Variants in BRINP3 observed in about 807,000 individuals in gnomAD.
BRINP3 encodes the protein BMP/retinoic acid-inducible neural-specific protein 3.
In BRINP3, 19 loss-of-function variants were observed where a neutral mutation model predicts 71.0. The ratio of observed to expected loss-of-function variants is 0.27; its 90% CI spans 0.19 to 0.39. BRINP3 has a LOEUF of 0.39. BRINP3 is among the 10% of genes least tolerant of loss of function. The pLI, the probability that BRINP3 is intolerant of heterozygous loss-of-function variation, is 1.00. For missense variants in BRINP3, 959 were observed against 940.8 expected (o/e 1.02, Z -0.25); for synonymous variants, 380 against 337.7 (o/e 1.13, Z -1.37).
At chr1:190,437,054 A>G (rs1458010832) in intron 2 of BRINP3, among the ~76,000 whole-genome samples, 1 of 151,570 alleles carries the variant, frequency 6.6e-6, no homozygotes, top group Non-Finnish European at 1.5e-5. Context: ...AGCAATCTGT[A>G]TAATCAATAT....
intron 4 of BRINP3, among the ~76,000 whole-genome samples, chr1:190,238,611 T>A (rs1175629253): frequency 6.6e-6 from 1 of 152,156 alleles, no homozygotes. Context: ...GAAAGTCTTA[T>A]AAGCATACAA....
chr1:190,284,471 A>G (rs1175583421), intron 2 of BRINP3, among the ~76,000 whole-genome samples: 1 of 152,068 alleles, frequency 6.6e-6, no homozygotes, highest in Admixed American at 6.6e-5. Context: ...CAAAGGCTTT[A>G]GAGTATTTTT....
chr1:190,118,622 T>C (rs1160898921), intron 7 of BRINP3, among the ~76,000 whole-genome samples: 1 of 152,134 alleles, frequency 6.6e-6, no homozygotes, highest in Non-Finnish European at 1.5e-5. Context: ...AACATGAACA[T>C]TGAAATGGCT....
At chr1:190,122,852 T>C (rs1279627479) in intron 7 of BRINP3, among the ~76,000 whole-genome samples, 4 of 152,078 alleles carry the variant, frequency 2.6e-5, no homozygotes, top group Non-Finnish European at 5.9e-5. Context: ...AATACAGAAA[T>C]AGGTATAGAT....
At chr1:190,260,567 G>T (rs1661102186) in intron 4 of BRINP3, among the ~76,000 whole-genome samples, 1 of 151,696 alleles carries the variant, frequency 6.6e-6, no homozygotes, top group Non-Finnish European at 1.5e-5. Flanking sequence ...TAGAGAGAGA[G>T]AGGTAAAATT....
intron 2 of BRINP3, among the ~76,000 whole-genome samples, chr1:190,429,669 C>A (rs1041043644): frequency 8.6e-5 from 13 of 150,916 alleles, no homozygotes; most frequent in African/African-American, 2.9e-4. Flanking sequence ...CAGCTCACTG[C>A]AACCTCCATC....
intron 6 of BRINP3, among the ~76,000 whole-genome samples, chr1:190,162,283 A>C (rs959907911): frequency 1.8e-4 from 28 of 151,444 alleles, no homozygotes; most frequent in African/African-American, 6.6e-4. Context: ...CTCCACATCC[A>C]AGCAATTCTC....
intron 2 of BRINP3, among the ~76,000 whole-genome samples, chr1:190,348,514 A>G (rs1668168327): frequency 6.6e-6 from 1 of 152,172 alleles, no homozygotes; most frequent in Non-Finnish European, 1.5e-5. Flanking sequence ...GTCTGTGCTT[A>G]TATGTCTAAA....
At chr1:190,185,061 T>A (rs1348371924) in intron 6 of BRINP3, among the ~76,000 whole-genome samples, 1 of 152,156 alleles carries the variant, frequency 6.6e-6, no homozygotes, top group Non-Finnish European at 1.5e-5. Flanking sequence ...TTCGTAGTTA[T>A]GACACCAAAA....
chr1:190,428,030 T>A (rs1456398214), intron 2 of BRINP3, among the ~76,000 whole-genome samples: 1 of 151,926 alleles, frequency 6.6e-6, no homozygotes, highest in African/African-American at 2.4e-5. Context: ...TTGCCAAGGA[T>A]AATGGCCTCC....
chr1:190,345,785 T>C (rs1356313038), intron 2 of BRINP3, among the ~76,000 whole-genome samples: 2 of 150,804 alleles, frequency 1.3e-5, no homozygotes, highest in Admixed American at 1.3e-4. Context: ...CTTAAAATAG[T>C]AAACAGTGGA....
chr1:190,443,398 C>G (rs1433609754), intron 2 of BRINP3, among the ~76,000 whole-genome samples: 1 of 148,390 alleles, frequency 6.7e-6, no homozygotes, highest in Non-Finnish European at 1.5e-5. Context: ...GAGCAAGACT[C>G]CGTCTCAAAA....
At chr1:190,453,201 GTA>G (rs1558300417) in intron 2 of BRINP3, among the ~76,000 whole-genome samples, 6 of 37,854 alleles carry the variant, frequency 1.6e-4, no homozygotes, top group African/African-American at 2.3e-4. Context: ...AAAAACTTTA[GTA>G]TTTTTTTTTT....
intron 6 of BRINP3, among the ~76,000 whole-genome samples, chr1:190,194,450 T>A (rs969911184): frequency 6.6e-6 from 1 of 152,086 alleles, no homozygotes; most frequent in African/African-American, 2.4e-5. Context: ...ATCATCTTAA[T>A]ATTATAATAG....
intron 2 of BRINP3, among the ~76,000 whole-genome samples, chr1:190,310,428 T>C (rs1304056819): frequency 1.3e-5 from 2 of 151,748 alleles, no homozygotes; most frequent in African/African-American, 4.8e-5. Flanking sequence ...TTTCTGGTAT[T>C]TCTAAGGCTA....
At chr1:190,148,596 AAAATAAATAAATAAAT>A (rs71123073) in intron 7 of BRINP3, among the ~76,000 whole-genome samples, 1,650 of 134,922 alleles carry the variant, frequency 0.012, 12 homozygotes, top group Admixed American at 0.017. Context: ...ACTCTGTCAC[AAAATAAATAAATAAAT>A]AAATAAATAA....
intron 2 of BRINP3, among the ~76,000 whole-genome samples, chr1:190,363,599 T>G (rs1196531149): frequency 1.3e-5 from 2 of 152,014 alleles, no homozygotes; most frequent in Admixed American, 6.6e-5. Context: ...ACAGGTGAGA[T>G]TTCAAGATTT....
chr1:190,106,029 A>T (rs1290376174), intron 7 of BRINP3, among the ~76,000 whole-genome samples: 1 of 151,942 alleles, frequency 6.6e-6, no homozygotes, highest in East Asian at 1.9e-4. Context: ...TATATATTAA[A>T]ATAAAAAGGT....
chr1:190,286,616 T>C lies in BRINP3; in HGVS notation c.237-4866A>G, dbSNP rs1663444222. ...ACTGTTAATTTCCATTAAATGAAGT[T>C]GTCTAAAGTCCTAAATGCTATTATT... On this transcript the variant is annotated intron_variant, in intron 2 of 7. Coordinates refer to ENST00000367462, the MANE Select transcript of BRINP3 (RefSeq NM_199051.3). 2.6e-5 allele frequency among the ~76,000 whole-genome samples: 4 copies of C among 152,294 alleles called. No individual in the cohort carries two copies. The South Asian group carries it at 8.3e-4, about 32-fold the overall frequency.
Sources: gnomAD v4.1 joint callset for allele counts (sites outside exome capture counted in the v4.1 genomes callset) on GRCh38, gnomAD v4.1.1 for gene constraint, MANE v1.5 for transcripts, NCBI Gene and HGNC (gene_info 2026-07-23, HGNC 2026-07-21) for gene names.